GLIS3: variants seen among roughly 807,000 people sequenced by gnomAD.
GLIS3 encodes the protein zinc finger protein GLIS3.
In GLIS3, 53 loss-of-function variants were observed where a neutral mutation model predicts 78.6. The ratio of observed to expected loss-of-function variants is 0.67; its 90% CI spans 0.54 to 0.85. The LOEUF (loss-of-function observed/expected upper bound fraction) is 0.85. Ranked by LOEUF, GLIS3 falls within the 40% of genes least tolerant of loss-of-function variation. The probability of loss-of-function intolerance (pLI) is 0.00; values close to 1 mark genes in which losing one functional copy is unlikely to be tolerated. For missense variants in GLIS3, 1,703 were observed against 1,231.1 expected, an observed-to-expected ratio of 1.38 and a Z score of -5.74; for synonymous variants, 684 against 509.9, an observed-to-expected ratio of 1.34 and a Z score of -4.60.
chr9:4,110,860 G>A (rs1205997563), intron 4 of GLIS3, among the ~76,000 whole-genome samples: 4 of 152,178 alleles, frequency 2.6e-5, no homozygotes, highest in Admixed American at 6.5e-5. Context: ...AAACATTTCT[G>A]AAAGATCAAA....
chr9:4,426,521 A>G, the GLIS3 span, among the ~76,000 whole-genome samples: 1 of 152,226 alleles, frequency 6.6e-6, no homozygotes, highest in Admixed American at 6.5e-5. Flanking sequence ...TTGTCAGAAT[A>G]TTACTCATTC....
the GLIS3 span, among the ~76,000 whole-genome samples, chr9:4,356,265 C>T: frequency 6.6e-6 from 1 of 152,248 alleles, no homozygotes; most frequent in South Asian, 2.1e-4. Flanking sequence ...AGAGACTGGC[C>T]CACAATTTAG....
intron 2 of GLIS3, among the ~76,000 whole-genome samples, chr9:4,156,088 A>G (rs1339774100): frequency 2.6e-5 from 4 of 152,044 alleles, no homozygotes; most frequent in African/African-American, 9.7e-5. Flanking sequence ...CAAGTCCAGC[A>G]ATGGATTAAA....
At chr9:4,236,428 C>G (rs1220146348) in intron 2 of GLIS3, among the ~76,000 whole-genome samples, 1 of 152,094 alleles carries the variant, frequency 6.6e-6, no homozygotes, top group Non-Finnish European at 1.5e-5. Context: ...AAGTATTTCC[C>G]TTTTCCTCCC....
intron 2 of GLIS3, among the ~76,000 whole-genome samples, chr9:4,220,080 T>A (rs1488982532): frequency 2.0e-5 from 3 of 152,194 alleles, no homozygotes. Flanking sequence ...CTCAACAGGC[T>A]GCATAAAAGG....
chr9:3,930,554 T>C (rs1825546590), intron 6 of GLIS3, among the ~76,000 whole-genome samples: 3 of 152,204 alleles, frequency 2.0e-5, no homozygotes, highest in Non-Finnish European at 4.4e-5. Flanking sequence ...CACAACAAAT[T>C]TGAACAGGAG....
chr9:4,050,148 C>G (rs879126722), intron 4 of GLIS3, among the ~76,000 whole-genome samples: 2 of 151,306 alleles, frequency 1.3e-5, no homozygotes, highest in Non-Finnish European at 2.9e-5. Context: ...CACATGCACA[C>G]GTATGTTTAT....
chr9:4,438,976 T>C, the GLIS3 span, among the ~76,000 whole-genome samples: 91 of 152,334 alleles, frequency 6.0e-4, 1 homozygote, highest in African/African-American at 1.9e-3. Context: ...TCTTCAAATA[T>C]AGCACTGTTT....
At chr9:3,936,315 T>A (rs1825896896) in intron 5 of GLIS3, among the ~76,000 whole-genome samples, 1 of 151,932 alleles carries the variant, frequency 6.6e-6, no homozygotes, top group African/African-American at 2.4e-5. Context: ...ATTGAGAAAA[T>A]AAAAGACAAG....
At position 3,980,059 on chromosome 9, in the gene GLIS3, A is replaced by G. The variant is rs946236235; in HGVS notation, c.1711-42870T>C. Among the ~76,000 whole-genome samples the G allele has an allele frequency of 8.5e-5, 13 of 152,290 alleles. No homozygotes were observed. The South Asian group carries it at 2.5e-3, about 29-fold the overall frequency. Reference sequence around the variant, plus strand: ...CCCCCAAAAAGTGACCTTAGGAGAAAGGACTGTTGGTGTCTGGAGTTGGGA... The same window carrying G: ...CCCCCAAAAAGTGACCTTAGGAGAAGGGACTGTTGGTGTCTGGAGTTGGGA... On this transcript the variant is annotated intron_variant, in intron 4 of 10. Transcript: ENST00000381971.
At chr9:3,853,675 C>T (rs1022063936) in intron 9 of GLIS3, among the ~76,000 whole-genome samples, 7 of 152,280 alleles carry the variant, frequency 4.6e-5, no homozygotes, top group African/African-American at 1.4e-4. Flanking sequence ...TCACACAGTT[C>T]AGGGTAGACT....
chr9:3,975,997 T>C (rs1243705414), intron 4 of GLIS3, among the ~76,000 whole-genome samples: 1 of 152,164 alleles, frequency 6.6e-6, no homozygotes, highest in Non-Finnish European at 1.5e-5. Flanking sequence ...GCCAATCAGG[T>C]CCTGGCGGGC....
chr9:4,216,200 C>T (rs1402491343), intron 2 of GLIS3, among the ~76,000 whole-genome samples: 4 of 151,794 alleles, frequency 2.6e-5, no homozygotes, highest in South Asian at 2.1e-4. Context: ...AGGCCAGGCA[C>T]GGTGGCTCAC....
chr9:4,004,360 C>T (rs1419165482), intron 4 of GLIS3, among the ~76,000 whole-genome samples: 2 of 152,022 alleles, frequency 1.3e-5, no homozygotes, highest in Admixed American at 6.6e-5. Context: ...AGTGATGGGG[C>T]CAGGGAAGGA....
intron 4 of GLIS3, among the ~76,000 whole-genome samples, chr9:4,097,314 G>C (rs959612154): frequency 6.6e-6 from 1 of 152,004 alleles, no homozygotes; most frequent in African/African-American, 2.4e-5. Flanking sequence ...GTCTCTGCTT[G>C]AGTGAAGATC....
At chr9:3,905,542 C>A (rs987661680) in intron 6 of GLIS3, among the ~76,000 whole-genome samples, 7 of 152,106 alleles carry the variant, frequency 4.6e-5, no homozygotes, top group African/African-American at 1.7e-4. Flanking sequence ...TGCATCCTGG[C>A]CTAGTAACAT....
At chr9:4,486,451 A>G in the GLIS3 span, among the ~76,000 whole-genome samples, 1 of 152,118 alleles carries the variant, frequency 6.6e-6, no homozygotes. Context: ...TAATCCCCTC[A>G]GCAATTCCTC....
chr9:4,122,893 G>A (rs952186385), intron 3 of GLIS3, among the ~76,000 whole-genome samples: 18 of 152,148 alleles, frequency 1.2e-4, no homozygotes, highest in African/African-American at 3.9e-4. Context: ...GGCCTAAATC[G>A]AGAATGACTC....
chr9:3,956,678 G>T (rs1410438496), intron 4 of GLIS3, among the ~76,000 whole-genome samples: 2 of 152,140 alleles, frequency 1.3e-5, no homozygotes, highest in Admixed American at 6.5e-5. Flanking sequence ...TCACAGACCA[G>T]TTGTATTTTT....
Sources: allele counts gnomAD v4.1 joint callset (sites outside exome capture counted in the v4.1 genomes callset), GRCh38; gene constraint gnomAD v4.1.1; transcripts MANE v1.5; gene names NCBI Gene and HGNC (gene_info 2026-07-23, HGNC 2026-07-21).